PHF24: variants seen among roughly 807,000 people sequenced by gnomAD.
The protein encoded by PHF24 is PHD finger protein 24, also known as Galpha inhibitory interacting protein.
A neutral mutation model predicts 42.6 loss-of-function variants in PHF24; 25 were observed. The ratio of observed to expected loss-of-function variants is 0.59; its 90% CI spans 0.43 to 0.82. The LOEUF (loss-of-function observed/expected upper bound fraction) is 0.82, where lower values mean the gene tolerates loss of function less well. PHF24 is among the 40% of genes least tolerant of loss of function. The pLI is 0.00. For synonymous variants in PHF24, 185 were observed against 204.8 expected (o/e 0.90, Z 0.83); for missense variants, 470 against 538.1 (o/e 0.87, Z 1.25).
the PHF24 span, among the ~76,000 whole-genome samples, chr9:34,711,249 C>G: frequency 7.0e-6 from 1 of 141,966 alleles, no homozygotes; most frequent in Non-Finnish European, 1.6e-5. Context: ...TAGCTTTTAT[C>G]TTTTTTTTTT....
chr9:34,949,561 G>A, the PHF24 span, among the ~76,000 whole-genome samples: 2 of 152,152 alleles, frequency 1.3e-5, no homozygotes, highest in African/African-American at 4.8e-5. Flanking sequence ...TATGTTCACT[G>A]CAGCACTATT....
chr9:34,773,400 T>C, the PHF24 span, among the ~76,000 whole-genome samples: 1 of 152,074 alleles, frequency 6.6e-6, no homozygotes, highest in African/African-American at 2.4e-5. Flanking sequence ...TTGAAGCATC[T>C]TCTAGTGCCA....
the PHF24 span, among the ~76,000 whole-genome samples, chr9:34,805,642 C>T: frequency 6.6e-6 from 1 of 152,142 alleles, no homozygotes; most frequent in Non-Finnish European, 1.5e-5. Context: ...CAAATACTTA[C>T]TTCCATTTTT....
chr9:34,876,855 T>G, the PHF24 span, among the ~76,000 whole-genome samples: 1 of 152,186 alleles, frequency 6.6e-6, no homozygotes, highest in Non-Finnish European at 1.5e-5. Context: ...AAGCAGGGAC[T>G]CAGATACTTC....
chr9:34,685,674 A>G, the PHF24 span, among the ~76,000 whole-genome samples: 2 of 152,158 alleles, frequency 1.3e-5, no homozygotes. Context: ...CTGTGCTTCA[A>G]ATTCCTTATA....
At chr9:34,671,915 T>C in the PHF24 span, among the ~76,000 whole-genome samples, 1 of 152,228 alleles carries the variant, frequency 6.6e-6, no homozygotes. Context: ...CTTTCATCTT[T>C]CATTTATTTT....
chr9:34,698,326 G>C, the PHF24 span, among the ~76,000 whole-genome samples: 1 of 152,146 alleles, frequency 6.6e-6, no homozygotes, highest in South Asian at 2.1e-4. Context: ...AGGCTATGGA[G>C]ATGGGGACAA....
At chr9:34,927,632 A>G in the PHF24 span, among the ~76,000 whole-genome samples, 2 of 152,134 alleles carry the variant, frequency 1.3e-5, no homozygotes, top group Non-Finnish European at 2.9e-5. Context: ...CCCTGCAATA[A>G]GAAGTCCTTC....
the PHF24 span, chr9:34,726,419 A>G: frequency 1.9e-6 from 3 of 1,549,964 alleles, no homozygotes; most frequent in South Asian, 1.2e-5. Flanking sequence ...ATGCAAGGCC[A>G]TTGGATGCAT....
the PHF24 span, among the ~76,000 whole-genome samples, chr9:34,925,811 A>C: frequency 6.6e-6 from 1 of 152,070 alleles, no homozygotes; most frequent in Admixed American, 6.5e-5. Flanking sequence ...GCCTGTTACT[A>C]GAGAATTGTC....
At chr9:34,724,283 T>C in the PHF24 span, 121 of 1,551,398 alleles carry the variant, frequency 7.8e-5, no homozygotes, top group Non-Finnish European at 6.1e-6. Context: ...GGCAGAACCC[T>C]GGGGTACAGC....
the PHF24 span, among the ~76,000 whole-genome samples, chr9:34,729,675 A>C: frequency 5.9e-5 from 9 of 152,096 alleles, no homozygotes; most frequent in East Asian, 5.8e-4. Flanking sequence ...AGCAGTGTCT[A>C]TTTCCTAGTC....
chr9:34,787,947 T>C, the PHF24 span, among the ~76,000 whole-genome samples: 240 of 152,364 alleles, frequency 1.6e-3, 1 homozygote, highest in African/African-American at 5.6e-3. Context: ...AAATTATATA[T>C]ACTTATTACA....
the PHF24 span, among the ~76,000 whole-genome samples, chr9:34,704,355 C>T: frequency 1.3e-5 from 2 of 152,134 alleles, no homozygotes; most frequent in Non-Finnish European, 1.5e-5. Context: ...ACTAGTCCCA[C>T]CTATCCTCTA....
chr9:34,840,196 G>A, the PHF24 span, among the ~76,000 whole-genome samples: 1 of 151,940 alleles, frequency 6.6e-6, no homozygotes, highest in African/African-American at 2.4e-5. Flanking sequence ...ACATATAAAT[G>A]GTATAAACTT....
the PHF24 span, among the ~76,000 whole-genome samples, chr9:34,875,940 A>ACTCTCTCTCTCTCTCTCTCTCTCT: frequency 6.7e-5 from 6 of 89,342 alleles, no homozygotes; most frequent in Non-Finnish European, 4.5e-5. Context: ...ACACACACAC[A>ACTCTCTCTCTCTCTCTCTCTCTCT]CACACACACA....
At chr9:34,883,638 A>G in the PHF24 span, among the ~76,000 whole-genome samples, 1 of 152,260 alleles carries the variant, frequency 6.6e-6, no homozygotes, top group African/African-American at 2.4e-5. Context: ...TGGCCATCAG[A>G]GAAATGCAAA....
At chr9:34,740,401 A>G in the PHF24 span, among the ~76,000 whole-genome samples, 1 of 152,238 alleles carries the variant, frequency 6.6e-6, no homozygotes, top group South Asian at 2.1e-4. Context: ...AGCTAAGGCC[A>G]GGCAAGAAAT....
At chr9:34,776,568 T>G in the PHF24 span, among the ~76,000 whole-genome samples, 1 of 152,240 alleles carries the variant, frequency 6.6e-6, no homozygotes, top group Non-Finnish European at 1.5e-5. Flanking sequence ...ATCTATCTCT[T>G]TAGCAAATTT....
Sources: gnomAD v4.1 joint callset for allele counts (sites outside exome capture counted in the v4.1 genomes callset) on GRCh38, gnomAD v4.1.1 for gene constraint, MANE v1.5 for transcripts, NCBI Gene and HGNC (gene_info 2026-07-23, HGNC 2026-07-21) for gene names.